Variants in FBXO33 observed in about 807,000 individuals in gnomAD.
The protein encoded by FBXO33 is F-box protein 33.
A neutral mutation model predicts 46.3 loss-of-function variants in FBXO33; 22 were observed. The observed-to-expected ratio is 0.48, with a 90% CI of 0.34 to 0.68. FBXO33 has a LOEUF of 0.68. Among genes scored for constraint, FBXO33 ranks in the 30% least tolerant of loss-of-function variants. FBXO33 has a pLI of 0.01. For missense variants in FBXO33, 692 were observed against 708.8 expected (o/e 0.98, Z 0.27); for synonymous variants, 337 against 291.3 (o/e 1.16, Z -1.60).
chr14:39,405,062 C>T (rs980665782), intron 1 of FBXO33, among the ~76,000 whole-genome samples: 23 of 148,326 alleles, frequency 1.6e-4, no homozygotes, highest in African/African-American at 3.8e-4. Context: ...GCAGGAGAAT[C>T]GCGTGAACCT....
At chr14:39,419,180 C>G (rs1331343348) in intron 1 of FBXO33, among the ~76,000 whole-genome samples, 1 of 152,092 alleles carries the variant, frequency 6.6e-6, no homozygotes, top group Non-Finnish European at 1.5e-5. Flanking sequence ...TTGTAATTAA[C>G]CCAGGTGTTT....
At chr14:39,429,567 C>T (rs529779675) in intron 1 of FBXO33, among the ~76,000 whole-genome samples, 6 of 152,258 alleles carry the variant, frequency 3.9e-5, no homozygotes, top group Admixed American at 2.0e-4. Flanking sequence ...ACACTTTCAA[C>T]AGTAAAGATG....
intron 3 of FBXO33, 99 bp from the exon 4 acceptor site, chr14:39,399,886 C>T: frequency 2.4e-6 from 3 of 1,273,856 alleles, no homozygotes; most frequent in Non-Finnish European, 3.1e-6. Flanking sequence ...AGAGAAGCTT[C>T]AAATTTGTAT....
At position 39,431,973 on chromosome 14, in the gene FBXO33, G is replaced by C; in HGVS notation, c.190C>G (p.Gln64Glu). 5.2e-6 allele frequency: 8 copies of C among 1,525,460 alleles called. No homozygotes were observed. The highest frequency in any genetic ancestry group is 1.2e-5 in the South Asian group (1 of 83,120). The allele number at this position is 1,525,460 out of a possible 1,614,324, so 94.5% of individuals were successfully genotyped here. ...RRRGRMALCGQAAGAASLPSE... is the reference protein window; with the variant it reads ...RRRGRMALCGEAAGAASLPSE... The stretch of plus-strand genomic sequence containing the variant: ...GGCAGCGACGCAGCGCCCGCCGCCT[G>C]CCCGCACAGAGCCATCCGGCCCCGC... Residue 64 changes from glutamine (Q) to glutamate (E), a missense_variant, in exon 1 of 4, where the codon CAG becomes GAG. Gln to Glu is a conservative substitution (Grantham distance 29). Transcript: ENST00000298097.
chr14:39,432,184 C>A lies in FBXO33; in HGVS notation c.-22G>T. The A allele has an allele frequency of 8.2e-7, 1 of 1,219,934 alleles. No individual in the cohort carries two copies. Among genetic ancestry groups the A allele is most frequent in the Non-Finnish European group, 1.0e-6 (1 of 978,530 alleles). The allele number at this position is 1,219,934 out of a possible 1,614,324, so 75.6% of individuals were successfully genotyped here. A position where few individuals can be genotyped will look rare whatever the true frequency, so the allele number is the denominator to read the frequency against. On this transcript the variant is annotated 5_prime_UTR_variant, in exon 1 of 4. Transcript: ENST00000298097. ...ACATCAATGACTAGGAAGAAGGGGG[C>A]GGAACCGTCGTGGGTCTCGGCGGAA...
chr14:39,416,884 T>G (rs2075451007), intron 1 of FBXO33, among the ~76,000 whole-genome samples: 1 of 152,208 alleles, frequency 6.6e-6, no homozygotes, highest in Admixed American at 6.5e-5. Context: ...GATTCTGTCA[T>G]GTTTTCTTGA....
In FBXO33 at chr14:39,399,549, G is replaced by C; in HGVS notation, c.1635C>G (p.Tyr545Ter). 6.2e-7 allele frequency: 1 copy of C among 1,612,424 alleles called. No individual in the cohort carries two copies. Among genetic ancestry groups the C allele is most frequent in the Non-Finnish European group, 8.5e-7 (1 of 1,179,118 alleles). The change falls in exon 4 of 4, where the codon TAC (tyrosine) becomes TAG (stop). Residue 545 changes from tyrosine (Y) to a stop codon, truncating the protein, a stop_gained. Transcript: ENST00000298097. LOFTEE classifies it high-confidence loss of function. ...SVFTEPNRHF[Y>*]REMQSFSEDI ...CTTCACTGAAGCTTTGCATCTCTCTGTAAAAATGACGATTTGGTTCAGTGA... is the reference window on the plus strand; with the variant it reads ...CTTCACTGAAGCTTTGCATCTCTCTCTAAAAATGACGATTTGGTTCAGTGA...
At position 39,401,602 on chromosome 14, in the gene FBXO33, T is replaced by C. The variant is rs1183571835; in HGVS notation, c.970A>G (p.Arg324Gly). The change falls in exon 3 of 4, where the codon AGA (arginine) becomes GGA (glycine). Residue 324 changes from arginine to glycine, a missense_variant. Physicochemically the swap from Arg to Gly is moderately radical, Grantham distance 125. Coordinates refer to ENST00000298097, the MANE Select transcript of FBXO33 (RefSeq NM_203301.4). ...ACATGGTTGCTATCAGTTAAGACTC[T>C]TGCCATCTCAGCTGTAAAGTCACAA... ...DFCDFTAEMARVLTDSNHVPL... is the reference protein window; with the variant it reads ...DFCDFTAEMAGVLTDSNHVPL... 5 of 1,614,074 alleles carry C rather than the reference T, an allele frequency of 3.1e-6. No individual in the cohort carries two copies. The highest frequency in any genetic ancestry group is 1.3e-5 in the African/African-American group (1 of 74,944).
intron 1 of FBXO33, among the ~76,000 whole-genome samples, chr14:39,414,262 CT>C (rs1350667849): frequency 2.0e-5 from 3 of 152,204 alleles, no homozygotes; most frequent in Non-Finnish European, 4.4e-5. Context: ...TAGCTTCAAG[CT>C]TTTTCTCCTG....
chr14:39,411,046 C>T (rs2075419564), intron 1 of FBXO33, among the ~76,000 whole-genome samples: 1 of 151,998 alleles, frequency 6.6e-6, no homozygotes, highest in South Asian at 2.1e-4. Flanking sequence ...GGGCTTTGAA[C>T]ATTGTTTTTC....
intron 1 of FBXO33, among the ~76,000 whole-genome samples, chr14:39,402,904 A>C (rs1236377941): frequency 6.6e-6 from 1 of 152,118 alleles, no homozygotes; most frequent in Non-Finnish European, 1.5e-5. Context: ...CATACAAAGC[A>C]ACATGATACA....
At chr14:39,422,622 T>C (rs893076282) in intron 1 of FBXO33, among the ~76,000 whole-genome samples, 8 of 152,266 alleles carry the variant, frequency 5.3e-5, no homozygotes, top group African/African-American at 1.9e-4. Context: ...GCTGTGTCTT[T>C]TTCTTTTTTC....
intron 1 of FBXO33, among the ~76,000 whole-genome samples, chr14:39,412,118 T>A (rs1317374252): frequency 1.3e-5 from 2 of 152,218 alleles, no homozygotes; most frequent in Non-Finnish European, 2.9e-5. Flanking sequence ...CCTCACTGAT[T>A]TTCTGTCCAG....
At chr14:39,428,824 A>G (rs189924580) in intron 1 of FBXO33, among the ~76,000 whole-genome samples, 1 of 152,318 alleles carries the variant, frequency 6.6e-6, no homozygotes, top group East Asian at 1.9e-4. Flanking sequence ...TTCTTATAGA[A>G]CGACTGCAGA....
intron 1 of FBXO33, among the ~76,000 whole-genome samples, chr14:39,404,659 CAGG>C (rs1376468892): frequency 6.6e-6 from 1 of 151,888 alleles, no homozygotes; most frequent in African/African-American, 2.4e-5. Flanking sequence ...GGAAGTTAAC[CAGG>C]AGAAGTAAGG....
rs1173440305 is a variant in FBXO33, at chr14:39,401,779, T to C, written c.793A>G (p.Thr265Ala). 1 of 1,614,160 alleles carries C rather than the reference T, an allele frequency of 6.2e-7. No individual in the cohort carries two copies. Among genetic ancestry groups the C allele is most frequent in the East Asian group, 2.2e-5 (1 of 44,882 alleles). The change falls in exon 3 of 4, where the codon ACC becomes GCC. Residue 265 changes from threonine (T) to alanine (A), a missense_variant. Transcript: ENST00000298097. ...GAGAGAGATGACAGTGATGTTGGGGTTACTATTTCCAGCATAAACCCACAG... is the reference window on the plus strand; with the variant it reads ...GAGAGAGATGACAGTGATGTTGGGGCTACTATTTCCAGCATAAACCCACAG... ...LSCGFMLEIV[T>A]PTSLSSLSNA... is the part of the protein sequence containing the mutation.
chr14:39,431,211 G>A (rs952089462), intron 1 of FBXO33, among the ~76,000 whole-genome samples: 2 of 151,960 alleles, frequency 1.3e-5, no homozygotes, highest in Non-Finnish European at 2.9e-5. Flanking sequence ...TTCTTCCAAG[G>A]CTCACCCACA....
rs149122639 is a variant in FBXO33, at chr14:39,431,517, G to A, written c.599+47C>T. 550 of 1,603,088 alleles carry A rather than the reference G, an allele frequency of 3.4e-4. 2 individuals carry two copies. In the African/African-American group the frequency reaches 6.0e-3, roughly 18 times the overall value. On this transcript the variant is annotated intron_variant, in intron 1 of 3. Transcript: ENST00000298097. ...GAATCTGTGTCGGGGTGCGGGGACG[G>A]AGCGACCCCCCGTTACCGGGCGGGG...
rs948989975 is a variant in FBXO33, at chr14:39,431,550, C to G, written c.599+14G>C. On this transcript the variant is annotated intron_variant, in intron 1 of 3. Transcript: ENST00000298097. ...CCCCGTTACCGGGCGGGGCGGGGCT[C>G]AGGGCAAGCCTACCTGTTGTTCCGG... is the stretch of plus-strand genomic sequence containing the variant. 7.5e-6 allele frequency: 12 copies of G among 1,609,512 alleles called. No homozygotes were observed. The highest frequency in any genetic ancestry group is 9.3e-6 in the Non-Finnish European group (11 of 1,179,962).
Sources: allele counts gnomAD v4.1 joint callset (sites outside exome capture counted in the v4.1 genomes callset), GRCh38; gene constraint gnomAD v4.1.1; transcripts MANE v1.5; gene names NCBI Gene and HGNC (gene_info 2026-07-23, HGNC 2026-07-21).